ACAN: variants seen among roughly 807,000 people sequenced by gnomAD.
ACAN encodes aggrecan, also known as aggrecan core protein.
Under a neutral mutation model 169.1 loss-of-function variants are expected in ACAN, and 47 were observed. The ratio of observed to expected loss-of-function variants is 0.28; its 90% confidence interval spans 0.22 to 0.35. The LOEUF (loss-of-function observed/expected upper bound fraction) is 0.35. ACAN is among the 10% of genes least tolerant of loss of function. The pLI is 1.00. For synonymous variants in ACAN, 1,115 were observed against 1,112.2 expected (o/e 1.00, Z -0.05); for missense variants, 2,716 against 2,759.9 (o/e 0.98, Z 0.36).
rs186609691 is a variant in ACAN at position 88,871,820 on chromosome 15, C to T, written c.7220-183C>T. Among the ~76,000 whole-genome samples, 8 of 152,268 alleles carry T rather than the reference C, an allele frequency of 5.3e-5. No homozygotes were observed. The highest frequency in any genetic ancestry group is 3.4e-3 in the Middle Eastern group (1 of 294). Reference sequence around the variant, plus strand: ...TCCATGCCAGCTTGGAGAGGTGGCCCGAAGTGCACTCCAGGCATGCACGTG... The same window carrying T: ...TCCATGCCAGCTTGGAGAGGTGGCCTGAAGTGCACTCCAGGCATGCACGTG... On this transcript the variant is annotated intron_variant, in intron 15 of 18. Transcript: ENST00000560601. The surrounding 1 kb of genome is among the most constrained non-coding windows in gnomAD (Gnocchi z 7.8).
In ACAN at chr15:88,849,621, C is replaced by G; in HGVS notation, c.1916C>G (p.Pro639Arg). 6.2e-7 allele frequency: 1 copy of G among 1,612,400 alleles called. No homozygotes were observed. The highest frequency in any genetic ancestry group is 2.2e-5 in the East Asian group (1 of 44,806). ...DGSLRYPIVT[P>R]RPACGGDKPG... is the part of the protein sequence containing the mutation. ...AGCCTCCGCTACCCCATCGTCACCC[C>G]AAGGCCTGCCTGCGGTGGGGACAAG... The change falls in exon 10 of 19, where the codon CCA (proline) becomes CGA (arginine). Residue 639 changes from proline to arginine, a missense_variant. Transcript: ENST00000560601. This position sits in a 1 kb window ranked among gnomAD's most constrained non-coding sequence, Gnocchi z 5.1.
At chr15:88,830,774 T>C (rs1217331258) in intron 1 of ACAN, among the ~76,000 whole-genome samples, 1 of 152,208 alleles carries the variant, frequency 6.6e-6, no homozygotes, top group Non-Finnish European at 1.5e-5. Context: ...GAAGGCCTAG[T>C]GCATTATTGT....
Position 88,874,462 on chromosome 15 carries a change from G to A in ACAN, c.7688G>A (p.Arg2563His), listed in dbSNP as rs186576211. The change falls in exon 19 of 19, where the codon CGC becomes CAC. Residue 2563 changes from arginine to histidine, a missense_variant. Physicochemically the swap from Arg to His is conservative, Grantham distance 29. Around this residue, in one of 3 missense-constraint regions of ACAN, gnomAD observed 1,389 missense variants for 1,363.7 expected, o/e 1.02. Coordinates refer to ENST00000560601, the MANE Select transcript of ACAN (RefSeq NM_001369268.1). The surrounding 1 kb of genome is among the most constrained non-coding windows in gnomAD (Gnocchi z 7.3). ...AGCTCACGGCACCCTCGGAGGAGCCGCCCCAGCACAGCCCACTGAGAAGAG... is the reference window on the plus strand; with the variant it reads ...AGCTCACGGCACCCTCGGAGGAGCCACCCCAGCACAGCCCACTGAGAAGAG... ...KRSSRHPRRS[R>H]PSTAH is the part of the protein sequence containing the mutation. 69 of 1,604,592 alleles carry A rather than the reference G, an allele frequency of 4.3e-5. No individual in the cohort carries two copies. The Middle Eastern group carries it at 1.7e-3, about 39-fold the overall frequency.
At position 88,845,786 on chromosome 15, in the gene ACAN, T is replaced by C; in HGVS notation, c.1333T>C (p.Phe445Leu). 6.3e-7 allele frequency: 1 copy of C among 1,596,030 alleles called. No individual in the cohort carries two copies. The highest frequency in any genetic ancestry group is 8.5e-7 in the Non-Finnish European group (1 of 1,169,894). Residue 445 changes from phenylalanine to leucine, a missense_variant, in exon 7 of 19, where the codon TTT becomes CTT. Around this residue, in one of 3 missense-constraint regions of ACAN, gnomAD observed 1,283 missense variants for 1,281.5 expected, o/e 1.00. Coordinates refer to ENST00000560601, the MANE Select transcript of ACAN (RefSeq NM_001369268.1). ...ETGEATRPWG[F>L]PTPGLGPATA... ...TGGAGAGGCCACCAGGCCCTGGGGC[T>C]TTCCCACACCTGGCCTGGGCCCTGC...
intron 13 of ACAN, among the ~76,000 whole-genome samples, chr15:88,862,815 T>A (rs533284484): frequency 6.6e-6 from 1 of 152,190 alleles, no homozygotes; most frequent in South Asian, 2.1e-4. Flanking sequence ...CTAATCAATA[T>A]GGTGAAACCC....
At position 88,841,812 on chromosome 15, in the gene ACAN, C is replaced by T; in HGVS notation, c.702C>T (p.Gly234=). The T allele has an allele frequency of 6.2e-7, 1 of 1,613,592 alleles. No individual in the cohort carries two copies. The highest frequency in any genetic ancestry group is 8.5e-7 in the Non-Finnish European group (1 of 1,179,802). The change falls in exon 5 of 19, where the codon GGC becomes GGT. Residue 234 remains glycine (G), a synonymous_variant. Coordinates refer to ENST00000560601, the MANE Select transcript of ACAN (RefSeq NM_001369268.1). ...AGTTTCCTGGTGTGAGGACGTATGG[C>T]ATCCGAGACACCAACGAGACCTATG... The part of the protein sequence containing the change: ...KDEFPGVRTY[G]IRDTNETYDV...
chr15:88,806,305 A>T lies in ACAN; in HGVS notation c.-8+2496A>T, dbSNP rs1389024213. 2.0e-5 allele frequency among the ~76,000 whole-genome samples: 3 copies of T among 152,206 alleles called. No homozygotes were observed. In the South Asian group the frequency reaches 6.2e-4, roughly 32 times the overall value. ...CAAGTTATGGATAGCAAAAATTTCA[A>T]ATGTTTTCTCTTGATAAGAGACTGT... On this transcript the variant is annotated intron_variant, in intron 1 of 18. Coordinates refer to ENST00000560601, the MANE Select transcript of ACAN (RefSeq NM_001369268.1).
intron 1 of ACAN, among the ~76,000 whole-genome samples, chr15:88,809,153 C>T (rs979781407): frequency 6.6e-6 from 1 of 152,200 alleles, no homozygotes; most frequent in Non-Finnish European, 1.5e-5. Context: ...AAAGTCCCCA[C>T]TATGGAAAAT....
chr15:88,853,499 G>A (rs1896976853), intron 11 of ACAN, among the ~76,000 whole-genome samples: 1 of 152,066 alleles, frequency 6.6e-6, no homozygotes, highest in African/African-American at 2.4e-5. Flanking sequence ...TTAGCCAGGT[G>A]TGGTGGCACG....
rs1244722457 is a variant in ACAN, at chr15:88,843,270, C to G, written c.758-85C>G. 2.3e-6 allele frequency: 3 copies of G among 1,314,804 alleles called. No homozygotes were observed. Among genetic ancestry groups the G allele is most frequent in the Non-Finnish European group, 3.0e-6 (3 of 987,190 alleles). 81.4% of individuals were successfully genotyped at this position (1,314,804 alleles called of 1,614,324 possible). On this transcript the variant is annotated intron_variant, in intron 5 of 18. Coordinates refer to ENST00000560601, the MANE Select transcript of ACAN (RefSeq NM_001369268.1). The surrounding 1 kb of genome is among the most constrained non-coding windows in gnomAD (Gnocchi z 4.0). Reference sequence around the variant, plus strand: ...GGAAGTTAAAGGACTCCCAAGACCTCGTGGAAAAGTGTGGATCTCTCTGGG... The same window carrying G: ...GGAAGTTAAAGGACTCCCAAGACCTGGTGGAAAAGTGTGGATCTCTCTGGG...
chr15:88,820,945 A>G (rs867555512), intron 1 of ACAN, among the ~76,000 whole-genome samples: 1 of 152,200 alleles, frequency 6.6e-6, no homozygotes, highest in East Asian at 1.9e-4. Flanking sequence ...GCATACAATC[A>G]TGGTGGAAGG....
intron 1 of ACAN, among the ~76,000 whole-genome samples, chr15:88,828,506 C>G (rs1276875913): frequency 6.6e-6 from 1 of 152,096 alleles, no homozygotes; most frequent in African/African-American, 2.4e-5. Context: ...TCCTTTCTGC[C>G]TTTTCGTCCC....
chr15:88,847,560 C>A lies in ACAN; in HGVS notation c.1604+143C>A, dbSNP rs1596138535. The stretch of plus-strand genomic sequence containing the variant: ...AATTAGTGACTCAACTGAGGCATAT[C>A]CCGAAAGGGTGGTGAAGGGCACCGA... On this transcript the variant is annotated intron_variant, in intron 8 of 18. Coordinates refer to ENST00000560601, the MANE Select transcript of ACAN (RefSeq NM_001369268.1). The A allele has an allele frequency of 1.5e-5, 16 of 1,079,744 alleles. No individual in the cohort carries two copies. In the East Asian group the frequency reaches 2.9e-4, roughly 20 times the overall value. The allele number at this position is 1,079,744 out of a possible 1,614,324, so 66.9% of individuals were successfully genotyped here.
rs372041880 is a variant in ACAN, at chr15:88,838,796, A to G, written c.204A>G (p.Pro68=). 6 of 1,613,894 alleles carry G rather than the reference A, an allele frequency of 3.7e-6. No individual in the cohort carries two copies. The highest frequency in any genetic ancestry group is 5.1e-6 in the Non-Finnish European group (6 of 1,179,868). The part of the protein sequence containing the change: ...HPVTTAPSTA[P]LAPRIKWSRV... ...TGACCACCGCCCCTTCTACCGCCCC[A>G]CTGGCCCCAAGAATCAAGTGGAGCC... The change falls in exon 3 of 19, where the codon CCA becomes CCG. Residue 68 remains proline (P), a synonymous_variant. Transcript: ENST00000560601. This position sits in a 1 kb window ranked among gnomAD's most constrained non-coding sequence, Gnocchi z 5.1.
In ACAN at chr15:88,832,081, C is replaced by G. The variant is rs537012949; in HGVS notation, c.-7-4119C>G. Reference sequence around the variant, plus strand: ...GCTGCTCAGCCAAGGAATGGGCCACCTTGTGATGGAATGAGCACCTAACAT... The same window carrying G: ...GCTGCTCAGCCAAGGAATGGGCCACGTTGTGATGGAATGAGCACCTAACAT... On this transcript the variant is annotated intron_variant, in intron 1 of 18. Coordinates refer to ENST00000560601, the MANE Select transcript of ACAN (RefSeq NM_001369268.1). Among the ~76,000 whole-genome samples, 3 of 152,128 alleles carry G rather than the reference C, an allele frequency of 2.0e-5. No individual in the cohort carries two copies. In the East Asian group the frequency reaches 5.8e-4, roughly 29 times the overall value.
At chr15:88,813,308 T>C (rs1200503226) in intron 1 of ACAN, among the ~76,000 whole-genome samples, 1 of 152,210 alleles carries the variant, frequency 6.6e-6, no homozygotes, top group East Asian at 1.9e-4. Flanking sequence ...TATTAGAACA[T>C]CTCCAGTTTT....
intron 13 of ACAN, among the ~76,000 whole-genome samples, chr15:88,862,652 G>A (rs550420066): frequency 1.3e-5 from 2 of 152,226 alleles, no homozygotes; most frequent in East Asian, 1.9e-4. Context: ...CAGTCTTCAC[G>A]GGTGACCCAC....
At position 88,807,747 on chromosome 15, in the gene ACAN, A is replaced by AGAGTGT. The variant is rs71462461; in HGVS notation, c.-8+3939_-8+3940insAGTGTG. Among the ~76,000 whole-genome samples the AGAGTGT allele has an allele frequency of 4.2e-5, 6 of 142,026 alleles. No individual in the cohort carries two copies. Among genetic ancestry groups the AGAGTGT allele is most frequent in the Non-Finnish European group, 3.1e-5 (2 of 65,330 alleles). The allele number at this position is 142,026 out of a possible 152,430, so 93.2% of individuals were successfully genotyped here. ...CTCAGAGCCTCCTTATAAGTGGTGGAGTGTGTGTGTGTGTGTGTGTGTGTG... is the reference window on the plus strand; with the variant it reads ...CTCAGAGCCTCCTTATAAGTGGTGGAGAGTGTGTGTGTGTGTGTGTGTGTGTGTGTG... On this transcript the variant is annotated intron_variant, in intron 1 of 18. Coordinates refer to ENST00000560601, the MANE Select transcript of ACAN (RefSeq NM_001369268.1). This position sits in a 1 kb window ranked among gnomAD's most constrained non-coding sequence, Gnocchi z 4.0.
In ACAN at chr15:88,807,679, A is replaced by G. The variant is rs778755575; in HGVS notation, c.-8+3870A>G. Among the ~76,000 whole-genome samples, 78 of 151,916 alleles carry G rather than the reference A, an allele frequency of 5.1e-4. No homozygotes were observed. Among genetic ancestry groups the G allele is most frequent in the Non-Finnish European group, 1.1e-3 (74 of 68,010 alleles). On this transcript the variant is annotated intron_variant, in intron 1 of 18. Coordinates refer to ENST00000560601, the MANE Select transcript of ACAN (RefSeq NM_001369268.1). The surrounding 1 kb of genome is among the most constrained non-coding windows in gnomAD (Gnocchi z 4.0). Reference sequence around the variant, plus strand: ...AAACGGTTTCTTTTTTCAAAAGTTGAATCCAGGGCAAGAACGGAAACGGTG... The same window carrying G: ...AAACGGTTTCTTTTTTCAAAAGTTGGATCCAGGGCAAGAACGGAAACGGTG...
Sources: gnomAD v4.1 joint callset for allele counts (sites outside exome capture counted in the v4.1 genomes callset) on GRCh38, gnomAD v4.1.1 for gene constraint, gnomAD v4.1.1 regional missense constraint, Gnocchi (gnomAD v3.1) non-coding constraint, MANE v1.5 for transcripts, NCBI Gene and HGNC (gene_info 2026-07-23, HGNC 2026-07-21) for gene names.